RPS6KA6: variants seen among roughly 807,000 people sequenced by gnomAD.
The protein encoded by RPS6KA6 is ribosomal protein S6 kinase A6, also known as ribosomal protein S6 kinase alpha-6.
Under a neutral mutation model 65.4 loss-of-function variants are expected in RPS6KA6, and 27 were observed. The observed-to-expected ratio is 0.41, with a 90% CI of 0.30 to 0.57. RPS6KA6 has a LOEUF of 0.57. Ranked by LOEUF, RPS6KA6 falls within the 20% of genes least tolerant of loss-of-function variation. The pLI, the probability that RPS6KA6 is intolerant of heterozygous loss-of-function variation, is 0.24. For synonymous variants in RPS6KA6, 190 were observed against 184.2 expected (o/e 1.03, Z -0.26); for missense variants, 486 against 555.6 (o/e 0.87, Z 1.26).
chrX:84,116,249 A>G lies in RPS6KA6; in HGVS notation c.988T>C (p.Phe330Leu). 8.7e-7 allele frequency: 1 copy of G among 1,143,284 alleles called. No individual in the cohort carries two copies. Among genetic ancestry groups the G allele is most frequent in the Non-Finnish European group, 1.2e-6 (1 of 841,694 alleles). 94.2% of individuals were successfully genotyped at this position (1,143,284 alleles called of 1,213,427 possible). ...CTTACATCCCAGTCAATATTTGCAA[A>G]AAACAGATGTCTTTTGATTTCTTCA... ...GVEEIKRHLF[F>L]ANIDWDKLYK... The change falls in exon 12 of 22, where the codon TTT becomes CTT. Residue 330 changes from phenylalanine (F) to leucine (L), a missense_variant. Physicochemically the swap from Phe to Leu is conservative, Grantham distance 22 (BLOSUM62 0). Around this residue, in one of 3 missense-constraint regions of RPS6KA6, gnomAD observed 345 missense variants for 375.0 expected, o/e 0.92. Transcript: ENST00000262752.
At chrX:84,085,159 T>C (rs1002726593) in intron 20 of RPS6KA6, among the ~76,000 whole-genome samples, 1 of 110,885 alleles carries the variant, frequency 9.0e-6, no homozygotes, top group African/African-American at 3.3e-5. Flanking sequence ...GAAAGAAAAT[T>C]TGACTTCTCT....
At chrX:84,126,728 AAT>A (rs1272293387) in intron 8 of RPS6KA6, among the ~76,000 whole-genome samples, 1 of 111,806 alleles carries the variant, frequency 8.9e-6, no homozygotes, top group Non-Finnish European at 1.9e-5. Flanking sequence ...GAAATAAAAC[AAT>A]ATGTTCCTGA....
chrX:84,170,605 G>C (rs898889551), intron 1 of RPS6KA6, among the ~76,000 whole-genome samples: 3 of 110,948 alleles, frequency 2.7e-5, no homozygotes, highest in Non-Finnish European at 5.7e-5. Context: ...ATTCCAGCCT[G>C]GGCGACAGAG....
chrX:84,093,089 A>T (rs2034081010), intron 20 of RPS6KA6, among the ~76,000 whole-genome samples: 1 of 112,384 alleles, frequency 8.9e-6, no homozygotes, highest in Non-Finnish European at 1.9e-5. Context: ...GCACAGAAAG[A>T]CAAATATCAC....
chrX:84,149,854 C>T (rs1193411814), intron 3 of RPS6KA6, among the ~76,000 whole-genome samples: 1 of 111,792 alleles, frequency 8.9e-6, no homozygotes, highest in Non-Finnish European at 1.9e-5. Context: ...GAGAGTCAGC[C>T]TGTCCTTCCA....
intron 1 of RPS6KA6, among the ~76,000 whole-genome samples, chrX:84,174,334 T>C (rs2035730637): frequency 8.9e-6 from 1 of 112,060 alleles, no homozygotes; most frequent in Non-Finnish European, 1.9e-5. Context: ...TTCTTGTAGT[T>C]TGTACCTCAA....
At chrX:84,082,564 A>G (rs1310223406) in intron 20 of RPS6KA6, among the ~76,000 whole-genome samples, 1 of 112,070 alleles carries the variant, frequency 8.9e-6, no homozygotes, top group East Asian at 2.8e-4. Context: ...TCAAGCTACC[A>G]TTGACTTTCT....
chrX:84,165,038 A>G (rs986082197), intron 1 of RPS6KA6, among the ~76,000 whole-genome samples: 2 of 111,228 alleles, frequency 1.8e-5, no homozygotes, highest in African/African-American at 6.5e-5. Flanking sequence ...TTCTGTAAAA[A>G]TTTTACTAGA....
chrX:84,126,972 G>A (rs2086288225), intron 8 of RPS6KA6, among the ~76,000 whole-genome samples: 2 of 110,981 alleles, frequency 1.8e-5, no homozygotes, highest in Admixed American at 1.9e-4. Context: ...GAGAAAAGAA[G>A]TAATAAATAT....
At chrX:84,090,290 T>C (rs1385195531) in intron 20 of RPS6KA6, among the ~76,000 whole-genome samples, 1 of 112,390 alleles carries the variant, frequency 8.9e-6, no homozygotes, top group Non-Finnish European at 1.9e-5. Context: ...TTTCTGATTA[T>C]TGCATTTGCT....
At chrX:84,140,552 C>T (rs2035076276) in intron 6 of RPS6KA6, among the ~76,000 whole-genome samples, 1 of 108,080 alleles carries the variant, frequency 9.3e-6, no homozygotes. Context: ...GCCTAGCCAA[C>T]ATGGTGAAAC....
At chrX:84,188,313 G>A (rs1308347769), upstream of RPS6KA6, among the ~76,000 whole-genome samples, 1 of 109,842 alleles carries the variant, frequency 9.1e-6, no homozygotes, top group Admixed American at 9.5e-5. Context: ...GCGGCACAGC[G>A]GCGTCACCCA....
rs1190909224 is a variant in RPS6KA6 at position 84,060,311 on chromosome X, A to G, written c.*3966T>C. On this transcript the variant is annotated 3_prime_UTR_variant, in exon 22 of 22. Transcript: ENST00000262752. The stretch of plus-strand genomic sequence containing the variant: ...AATTGCAGTTGGCCAATATATACTT[A>G]ATATGGCTTGCATTTTTTTTTTTTT... 2 of 107,230 alleles carry G rather than the reference A, an allele frequency of 1.9e-5. No individual in the cohort carries two copies. The highest frequency in any genetic ancestry group is 7.0e-5 in the African/African-American group (2 of 28,734). The allele number at this position is 107,230 out of a possible 1,213,427, so 8.8% of individuals were successfully genotyped here. A position where few individuals can be genotyped will look rare whatever the true frequency, so the allele number is the denominator to read the frequency against.
intron 20 of RPS6KA6, among the ~76,000 whole-genome samples, chrX:84,094,865 T>C (rs2034122609): frequency 9.0e-6 from 1 of 111,373 alleles, no homozygotes. Flanking sequence ...AAATTGATCC[T>C]TGGTAAAATG....
At chrX:84,141,389 C>A (rs1174676730) in intron 6 of RPS6KA6, among the ~76,000 whole-genome samples, 1 of 100,787 alleles carries the variant, frequency 9.9e-6, no homozygotes, top group Non-Finnish European at 2.0e-5. Flanking sequence ...AAGACAACAG[C>A]AGAGATAAAA....
At chrX:84,170,802 C>T (rs908317128) in intron 1 of RPS6KA6, among the ~76,000 whole-genome samples, 1 of 111,473 alleles carries the variant, frequency 9.0e-6, no homozygotes, top group Non-Finnish European at 1.9e-5. Context: ...TAATCCCCAT[C>T]CCCTTGAATG....
intron 20 of RPS6KA6, among the ~76,000 whole-genome samples, chrX:84,071,804 A>G (rs2033548549): frequency 8.9e-6 from 1 of 111,769 alleles, no homozygotes; most frequent in South Asian, 3.7e-4. Context: ...GACTATTACA[A>G]ACAACTATAT....
chrX:84,096,829 T>C (rs1221341291), intron 19 of RPS6KA6, among the ~76,000 whole-genome samples: 7 of 111,493 alleles, frequency 6.3e-5, no homozygotes, highest in Non-Finnish European at 9.5e-5. Flanking sequence ...CAAAACTCCA[T>C]AGCCATTACA....
chrX:84,144,583 T>C (rs1312959699), intron 6 of RPS6KA6, among the ~76,000 whole-genome samples: 1 of 111,326 alleles, frequency 9.0e-6, no homozygotes, highest in African/African-American at 3.2e-5. Flanking sequence ...GGTGGGAATG[T>C]AAAATTTATA....
Sources: gnomAD v4.1 joint callset for allele counts (sites outside exome capture counted in the v4.1 genomes callset) on GRCh38, gnomAD v4.1.1 for gene constraint, gnomAD v4.1.1 regional missense constraint, MANE v1.5 for transcripts, NCBI Gene and HGNC (gene_info 2026-07-23, HGNC 2026-07-21) for gene names.